Variants in ATP8A2 observed in about 807,000 individuals in gnomAD.
ATP8A2 encodes the protein phospholipid-transporting ATPase IB.
A neutral mutation model predicts 165.6 loss-of-function variants in ATP8A2; 100 were observed. The observed-to-expected ratio is 0.60, with a 90% CI of 0.51 to 0.71. The LOEUF (loss-of-function observed/expected upper bound fraction) is 0.71. ATP8A2 is among the 30% of genes least tolerant of loss of function. ATP8A2 has a pLI of 0.00. For synonymous variants in ATP8A2, 543 were observed against 548.8 expected, an observed-to-expected ratio of 0.99 and a Z score of 0.15; for missense variants, 1,227 against 1,479.5, an observed-to-expected ratio of 0.83 and a Z score of 2.80.
chr13:25,805,003 A>G (rs1950699258), intron 27 of ATP8A2, among the ~76,000 whole-genome samples: 1 of 152,204 alleles, frequency 6.6e-6, no homozygotes, highest in Admixed American at 6.5e-5. Flanking sequence ...ACTCACTGAC[A>G]TTAAACATTC....
At chr13:25,995,106 CAT>C (rs754787855) in intron 35 of ATP8A2, among the ~76,000 whole-genome samples, 11 of 151,940 alleles carry the variant, frequency 7.2e-5, no homozygotes, top group Non-Finnish European at 1.2e-4. Flanking sequence ...TTGTCAAACA[CAT>C]GTGTAGAATT....
chr13:25,777,036 T>C (rs2138334698), intron 27 of ATP8A2, among the ~76,000 whole-genome samples: 1 of 152,228 alleles, frequency 6.6e-6, no homozygotes, highest in South Asian at 2.1e-4. Context: ...CCTGAAAAAT[T>C]CTATTTGGAA....
chr13:25,973,513 CAA>C (rs1316578504), intron 35 of ATP8A2, among the ~76,000 whole-genome samples: 1 of 152,240 alleles, frequency 6.6e-6, no homozygotes, highest in Middle Eastern at 3.4e-3. Flanking sequence ...TCAGACAAAC[CAA>C]AGATTGTTCC....
intron 25 of ATP8A2, 47 bp from the exon 26 acceptor site, chr13:25,768,999 C>A (rs773067066): frequency 3.2e-6 from 5 of 1,569,486 alleles, no homozygotes; most frequent in Non-Finnish European, 4.4e-6. Flanking sequence ...CAGCTGTTTC[C>A]TCTGGAAAGA....
chr13:25,846,399 C>T (rs1363456846), intron 30 of ATP8A2, among the ~76,000 whole-genome samples: 1 of 152,026 alleles, frequency 6.6e-6, no homozygotes. Context: ...AGGACTGCTT[C>T]CTGGAGGATG....
chr13:25,722,150 C>T (rs779262144), intron 25 of ATP8A2, among the ~76,000 whole-genome samples: 2 of 152,170 alleles, frequency 1.3e-5, no homozygotes, highest in African/African-American at 2.4e-5. Flanking sequence ...TGTGACTTCT[C>T]GCTTATAGCC....
chr13:25,555,035 C>T lies in ATP8A2; in HGVS notation c.1230C>T (p.Ala410=). 2 of 1,612,994 alleles carry T rather than the reference C, an allele frequency of 1.2e-6. No homozygotes were observed. ...YYIGNDTPAM[A]RTSNLNEELG... ...TAGGAAATGACACTCCTGCCATGGCCAGGACATCAAACCTTAATGAAGAGC... is the reference window on the plus strand; with the variant it reads ...TAGGAAATGACACTCCTGCCATGGCTAGGACATCAAACCTTAATGAAGAGC... Residue 410 remains alanine (A), a synonymous_variant, in exon 13 of 37, where the codon GCC becomes GCT. Transcript: ENST00000381655.
intron 1 of ATP8A2, among the ~76,000 whole-genome samples, chr13:25,424,592 T>C (rs2034390307): frequency 6.6e-6 from 1 of 152,112 alleles, no homozygotes; most frequent in African/African-American, 2.4e-5. Flanking sequence ...ATTTACAGGG[T>C]TCCTTTGAAA....
At chr13:25,700,964 T>G (rs1328830332) in intron 25 of ATP8A2, among the ~76,000 whole-genome samples, 11 of 152,236 alleles carry the variant, frequency 7.2e-5, no homozygotes, top group African/African-American at 2.4e-4. Context: ...GATCGTTTTT[T>G]CATGTGTTTA....
intron 15 of ATP8A2, among the ~76,000 whole-genome samples, chr13:25,562,207 A>G (rs1275817141): frequency 2.0e-5 from 3 of 152,204 alleles, no homozygotes; most frequent in Admixed American, 6.5e-5. Context: ...GCTATTTTCC[A>G]TAGCAGAGCC....
At chr13:25,944,089 G>C (rs978673719) in intron 33 of ATP8A2, among the ~76,000 whole-genome samples, 1 of 152,228 alleles carries the variant, frequency 6.6e-6, no homozygotes, top group Non-Finnish European at 1.5e-5. Flanking sequence ...ATTGAAGCTG[G>C]ACTATACAAA....
chr13:25,712,805 G>A (rs2043182174), intron 25 of ATP8A2, among the ~76,000 whole-genome samples: 2 of 152,160 alleles, frequency 1.3e-5, no homozygotes, highest in African/African-American at 4.8e-5. Flanking sequence ...GGAAAGTCGG[G>A]TAGGGATGAT....
At chr13:25,957,637 AG>A (rs1955556814) in intron 33 of ATP8A2, among the ~76,000 whole-genome samples, 1 of 152,222 alleles carries the variant, frequency 6.6e-6, no homozygotes, top group Non-Finnish European at 1.5e-5. Flanking sequence ...GAGGATGTGG[AG>A]AAATAGGAAC....
At chr13:25,908,093 A>T (rs9553671) in intron 33 of ATP8A2, among the ~76,000 whole-genome samples, 14,934 of 152,264 alleles carry the variant, frequency 0.098, 1,302 homozygotes, top group Admixed American at 0.23. Context: ...ATCAAAATTG[A>T]AATGATTAAT....
At chr13:25,901,993 C>T (rs1003738203) in intron 33 of ATP8A2, among the ~76,000 whole-genome samples, 3 of 152,144 alleles carry the variant, frequency 2.0e-5, no homozygotes, top group Non-Finnish European at 4.4e-5. Flanking sequence ...AGATAATACA[C>T]AATAATCTAG....
At chr13:25,916,706 T>C (rs530513590) in intron 33 of ATP8A2, among the ~76,000 whole-genome samples, 1 of 152,336 alleles carries the variant, frequency 6.6e-6, no homozygotes, top group Non-Finnish European at 1.5e-5. Flanking sequence ...TTGTAGCTTT[T>C]GGCCTGTAAC....
At chr13:25,976,828 G>T (rs1056353092) in intron 35 of ATP8A2, among the ~76,000 whole-genome samples, 8 of 151,994 alleles carry the variant, frequency 5.3e-5, no homozygotes, top group African/African-American at 1.9e-4. Flanking sequence ...TTGCTCTATC[G>T]CCCAGGCTGG....
chr13:25,506,157 C>T (rs760570569), intron 2 of ATP8A2, among the ~76,000 whole-genome samples: 15 of 152,082 alleles, frequency 9.9e-5, no homozygotes, highest in Non-Finnish European at 1.5e-4. Context: ...TAGATAATAC[C>T]GAATGATGAG....
chr13:25,966,688 C>T (rs1281051376), intron 34 of ATP8A2, among the ~76,000 whole-genome samples: 7 of 152,212 alleles, frequency 4.6e-5, no homozygotes, highest in Admixed American at 3.3e-4. Context: ...AGAGCACGCA[C>T]AATGCCTGGG....
Sources: gnomAD v4.1 joint callset for allele counts (sites outside exome capture counted in the v4.1 genomes callset) on GRCh38, gnomAD v4.1.1 for gene constraint, MANE v1.5 for transcripts, NCBI Gene and HGNC (gene_info 2026-07-23, HGNC 2026-07-21) for gene names.